ADRA1B: variants seen among roughly 807,000 people sequenced by gnomAD.
ADRA1B encodes alpha-1B adrenergic receptor.
ADRA1B carries 17 observed loss-of-function variants against 17.9 expected under a neutral mutation model. That is an observed-to-expected ratio of 0.95 (90% CI 0.65 to 1.42). The LOEUF is 1.42. ADRA1B is among the 40% of genes most tolerant of loss of function. ADRA1B has a pLI of 0.00. For synonymous variants in ADRA1B, 366 were observed against 327.6 expected, an observed-to-expected ratio of 1.12 and a Z score of -1.27; for missense variants, 681 against 722.1, an observed-to-expected ratio of 0.94 and a Z score of 0.65.
intron 1 of ADRA1B, among the ~76,000 whole-genome samples, chr5:159,939,116 G>A (rs752226617): frequency 1.3e-5 from 2 of 152,104 alleles, no homozygotes; most frequent in East Asian, 3.9e-4. Context: ...CCTCAGCAAG[G>A]GGCAGTGTCC....
At chr5:159,880,514 G>A (rs1000072628) in intron 1 of ADRA1B, among the ~76,000 whole-genome samples, 1 of 152,166 alleles carries the variant, frequency 6.6e-6, no homozygotes, top group Non-Finnish European at 1.5e-5. Context: ...AATCTTAAAG[G>A]TCATCCCATC....
intron 1 of ADRA1B, among the ~76,000 whole-genome samples, chr5:159,899,240 G>GAGGAAGGAAGGAAGGAAGAA (rs1754069442): frequency 1.9e-5 from 2 of 105,428 alleles, no homozygotes; most frequent in Non-Finnish European, 3.9e-5. Flanking sequence ...AGGAGGGAGG[G>GAGGAAGGAAGGAAGGAAGAA]AGGAAGGAAG....
At chr5:159,876,320 T>C (rs1010488469) in intron 1 of ADRA1B, among the ~76,000 whole-genome samples, 1 of 152,264 alleles carries the variant, frequency 6.6e-6, no homozygotes, top group South Asian at 2.1e-4. Flanking sequence ...TTTTTGGCTT[T>C]CTCCTCACAG....
At chr5:159,867,025 C>A (rs1014904586) in intron 1 of ADRA1B, 1 of 152,172 alleles carries the variant, frequency 6.6e-6, no homozygotes, top group African/African-American at 2.4e-5. Flanking sequence ...AGCCTTGAAG[C>A]GATGTCCAAC....
intron 1 of ADRA1B, among the ~76,000 whole-genome samples, chr5:159,902,468 A>T (rs1754112286): frequency 6.6e-6 from 1 of 151,946 alleles, no homozygotes; most frequent in East Asian, 1.9e-4. Context: ...GGGTAAATAG[A>T]TGTTATGTAT....
chr5:159,902,784 T>C (rs1296291763), intron 1 of ADRA1B, among the ~76,000 whole-genome samples: 1 of 152,224 alleles, frequency 6.6e-6, no homozygotes, highest in Non-Finnish European at 1.5e-5. Context: ...TCCCCATCTA[T>C]AAAATGTGGA....
chr5:159,944,668 T>C (rs147417185), intron 1 of ADRA1B, among the ~76,000 whole-genome samples: 32 of 152,120 alleles, frequency 2.1e-4, no homozygotes, highest in African/African-American at 7.7e-4. Context: ...AAGTGCCTCA[T>C]ATATGTTACC....
chr5:159,942,237 T>G (rs1239821681), intron 1 of ADRA1B, among the ~76,000 whole-genome samples: 1 of 152,168 alleles, frequency 6.6e-6, no homozygotes, highest in Non-Finnish European at 1.5e-5. Flanking sequence ...CTGGGTTTTT[T>G]TAGGGGGTGA....
At chr5:159,910,942 T>C (rs943010863) in intron 1 of ADRA1B, among the ~76,000 whole-genome samples, 12 of 152,184 alleles carry the variant, frequency 7.9e-5, no homozygotes, top group African/African-American at 2.9e-4. Context: ...GTTTGTTTTT[T>C]GCCTTTGATG....
chr5:159,894,901 C>G (rs1005038695), intron 1 of ADRA1B, among the ~76,000 whole-genome samples: 3 of 152,214 alleles, frequency 2.0e-5, no homozygotes, highest in African/African-American at 7.2e-5. Flanking sequence ...TTTAGCACAA[C>G]AGAGCATCAG....
chr5:159,901,135 T>C (rs1369531210), intron 1 of ADRA1B, among the ~76,000 whole-genome samples: 1 of 151,686 alleles, frequency 6.6e-6, no homozygotes, highest in Non-Finnish European at 1.5e-5. Context: ...AGTAGGTACA[T>C]TAACTTATAA....
chr5:159,958,989 T>C lies in ADRA1B; in HGVS notation c.950-12890T>C, dbSNP rs953572732. On this transcript the variant is annotated intron_variant, in intron 1 of 1. Transcript: ENST00000306675. ...CTCTGGGCTTAAGCCAAAAGGTAGC[T>C]CCCCTACTGGAAGTTGGAATGGGTC... Among the ~76,000 whole-genome samples, 3 of 152,200 alleles carry C rather than the reference T, an allele frequency of 2.0e-5. No homozygotes were observed. In the East Asian group the frequency reaches 5.8e-4, roughly 29 times the overall value.
intron 1 of ADRA1B, among the ~76,000 whole-genome samples, chr5:159,878,913 C>G (rs1753828535): frequency 3.3e-5 from 5 of 152,166 alleles, no homozygotes; most frequent in Admixed American, 3.3e-4. Context: ...GACAGACAGC[C>G]TGTACCCAAG....
rs577504949 is a variant in ADRA1B at position 159,960,244 on chromosome 5, C to A, written c.950-11635C>A. Among the ~76,000 whole-genome samples the A allele has an allele frequency of 5.2e-4, 79 of 152,320 alleles. 1 individual carries two copies. Among genetic ancestry groups the A allele is most frequent in the African/African-American group, 1.9e-3 (79 of 41,570 alleles). On this transcript the variant is annotated intron_variant, in intron 1 of 1. Transcript: ENST00000306675. Reference sequence around the variant, plus strand: ...GATGGAGAGAAAAGGGTATCTCAGACCAGTGTGGACAGCGTGAATAAAGGG... The same window carrying A: ...GATGGAGAGAAAAGGGTATCTCAGAACAGTGTGGACAGCGTGAATAAAGGG...
chr5:159,987,893 A>G, the ADRA1B span, among the ~76,000 whole-genome samples: 1 of 152,094 alleles, frequency 6.6e-6, no homozygotes, highest in African/African-American at 2.4e-5. Flanking sequence ...CTCCTCGTGG[A>G]CTTTGTAGTC....
intron 1 of ADRA1B, among the ~76,000 whole-genome samples, chr5:159,895,325 A>G (rs957892535): frequency 3.3e-5 from 5 of 152,214 alleles, no homozygotes; most frequent in African/African-American, 1.2e-4. Flanking sequence ...TCTTTATCAG[A>G]ATTAACTCTG....
chr5:159,941,397 C>A (rs1755121877), intron 1 of ADRA1B, among the ~76,000 whole-genome samples: 1 of 152,172 alleles, frequency 6.6e-6, no homozygotes, highest in Non-Finnish European at 1.5e-5. Flanking sequence ...ACATGTTCTT[C>A]CTTGTTCTTG....
chr5:159,972,864 G>A lies in ADRA1B; in HGVS notation c.*372G>A, dbSNP rs1391554959. On this transcript the variant is annotated 3_prime_UTR_variant, in exon 2 of 2. Coordinates refer to ENST00000306675, the MANE Select transcript of ADRA1B (RefSeq NM_000679.4). ...TGTGTGCGTGGGGCCGCCCTGTGAGGGCGCGGCGACTGTGCGCCCAGGAGG... is the reference window on the plus strand; with the variant it reads ...TGTGTGCGTGGGGCCGCCCTGTGAGAGCGCGGCGACTGTGCGCCCAGGAGG... 1.3e-5 allele frequency among the ~76,000 whole-genome samples: 2 copies of A among 152,210 alleles called. No individual in the cohort carries two copies. The highest frequency in any genetic ancestry group is 4.8e-5 in the African/African-American group (2 of 41,462).
At chr5:159,945,854 TCTC>T (rs1755256962) in intron 1 of ADRA1B, among the ~76,000 whole-genome samples, 1 of 151,906 alleles carries the variant, frequency 6.6e-6, no homozygotes, top group South Asian at 2.1e-4. Context: ...TTGACGCCAT[TCTC>T]CTGCCTCAGC....
Sources: gnomAD v4.1 joint callset for allele counts (sites outside exome capture counted in the v4.1 genomes callset) on GRCh38, gnomAD v4.1.1 for gene constraint, MANE v1.5 for transcripts, NCBI Gene and HGNC (gene_info 2026-07-23, HGNC 2026-07-21) for gene names.